MATN2: variants seen among roughly 807,000 people sequenced by gnomAD.
MATN2 encodes matrilin 2.
MATN2 carries 69 observed loss-of-function variants against 103.2 expected under a neutral mutation model. The ratio of observed to expected loss-of-function variants is 0.67; its 90% CI spans 0.55 to 0.82. The LOEUF is 0.82. Ranked by LOEUF, MATN2 falls within the 40% of genes least tolerant of loss-of-function variation. The pLI is 0.00. For missense variants in MATN2, 1,023 were observed against 1,211.5 expected (o/e 0.84, Z 2.31); for synonymous variants, 429 against 450.2 (o/e 0.95, Z 0.60).
At chr8:97,955,167 C>T (rs1811103306) in intron 4 of MATN2, among the ~76,000 whole-genome samples, 1 of 148,346 alleles carries the variant, frequency 6.7e-6, no homozygotes, top group Admixed American at 6.6e-5. Context: ...GTCTTGTAGC[C>T]CCCTTGACCA....
intron 7 of MATN2, 116 bp downstream of exon 7, chr8:97,994,718 A>G (rs1393138101): frequency 8.9e-7 from 1 of 1,125,212 alleles, no homozygotes. Context: ...TGTGTCTATT[A>G]ACATTATTCT....
chr8:98,014,391 C>A (rs1256659016), intron 10 of MATN2, among the ~76,000 whole-genome samples: 1 of 152,174 alleles, frequency 6.6e-6, no homozygotes, highest in African/African-American at 2.4e-5. Flanking sequence ...GAGGAACTAT[C>A]CCAAACCATC....
chr8:97,926,510 G>A (rs983472568), intron 2 of MATN2, among the ~76,000 whole-genome samples: 11 of 152,204 alleles, frequency 7.2e-5, no homozygotes, highest in African/African-American at 2.4e-4. Flanking sequence ...GATGGAAAGG[G>A]CATCAGGTCT....
intron 7 of MATN2, among the ~76,000 whole-genome samples, chr8:97,995,982 ACTC>A (rs1812571257): frequency 6.6e-6 from 1 of 152,128 alleles, no homozygotes; most frequent in Non-Finnish European, 1.5e-5. Context: ...TGGTCTGGCC[ACTC>A]CTCTGTGCTA....
At chr8:98,031,443 G>A (rs1330402613) in intron 15 of MATN2, 2 of 152,108 alleles carry the variant, frequency 1.3e-5, no homozygotes, top group African/African-American at 2.4e-5. Flanking sequence ...TATAATAAGT[G>A]TTTTGACACA....
chr8:97,999,911 C>T (rs1202861484), intron 7 of MATN2, among the ~76,000 whole-genome samples: 1 of 149,404 alleles, frequency 6.7e-6, no homozygotes, highest in South Asian at 2.1e-4. Flanking sequence ...GACGGAATCT[C>T]ACTCTGTCAC....
At chr8:98,032,350 T>A in intron 16 of MATN2, 33 bp downstream of exon 16, 2 of 1,542,356 alleles carry the variant, frequency 1.3e-6, no homozygotes, top group Non-Finnish European at 1.8e-6. Flanking sequence ...TTTAGAAATT[T>A]TGGTGGAGGG....
At chr8:97,889,275 G>C (rs1818545053) in intron 2 of MATN2, among the ~76,000 whole-genome samples, 1 of 151,888 alleles carries the variant, frequency 6.6e-6, no homozygotes, top group Non-Finnish European at 1.5e-5. Flanking sequence ...CTTTATTGAT[G>C]TTAACTAAGT....
At chr8:97,873,356 T>C (rs1178292734) in intron 1 of MATN2, among the ~76,000 whole-genome samples, 5 of 151,842 alleles carry the variant, frequency 3.3e-5, no homozygotes, top group East Asian at 1.9e-4. Context: ...TTTTTTCTTT[T>C]TTTTTTTTTT....
Position 98,003,723 on chromosome 8 carries a change from A to G in MATN2, c.1267A>G (p.Ser423Gly). ...CEHECVNMEE[S>G]YYCRCHRGYT... is the part of the protein sequence containing the mutation. ...GCATGAGTGCGTCAACATGGAGGAG[A>G]GCTACTACTGCCGCTGCCACCGTGG... is the stretch of plus-strand genomic sequence containing the variant. Residue 423 changes from serine to glycine, a missense_variant, in exon 8 of 19, where the codon AGC becomes GGC. By Grantham distance (56) the Ser-to-Gly change is moderately conservative. Transcript: ENST00000254898. The G allele has an allele frequency of 1.2e-6, 2 of 1,613,240 alleles. No homozygotes were observed. The highest frequency in any genetic ancestry group is 1.7e-6 in the Non-Finnish European group (2 of 1,179,628).
At chr8:98,014,493 G>A (rs996674954) in intron 10 of MATN2, among the ~76,000 whole-genome samples, 1 of 152,212 alleles carries the variant, frequency 6.6e-6, no homozygotes, top group East Asian at 1.9e-4. Context: ...TCGGCTTTGA[G>A]CCTCCTCTGC....
chr8:98,033,193 T>C lies in MATN2; in HGVS notation c.2716+17T>C. Reference sequence around the variant, plus strand: ...AACCTTCAGGTAATTCCAAGTAAAATATTACTATAAGATAACTTGATCTCA... The same window carrying C: ...AACCTTCAGGTAATTCCAAGTAAAACATTACTATAAGATAACTTGATCTCA... On this transcript the variant is annotated intron_variant, in intron 17 of 18. Transcript: ENST00000254898. 1.3e-6 allele frequency: 2 copies of C among 1,586,068 alleles called. No individual in the cohort carries two copies. Among genetic ancestry groups the C allele is most frequent in the East Asian group, 4.5e-5 (2 of 44,390 alleles).
intron 10 of MATN2, among the ~76,000 whole-genome samples, chr8:98,013,635 G>T (rs2130407265): frequency 6.6e-6 from 1 of 152,308 alleles, no homozygotes; most frequent in Admixed American, 6.5e-5. Flanking sequence ...ATCAGAAACA[G>T]AAACAGAGAC....
chr8:97,972,214 T>C (rs1359680924), intron 5 of MATN2, among the ~76,000 whole-genome samples: 1 of 151,772 alleles, frequency 6.6e-6, no homozygotes, highest in African/African-American at 2.4e-5. Context: ...GGCACGTGCA[T>C]GTAGTCCCAG....
intron 6 of MATN2, among the ~76,000 whole-genome samples, chr8:97,988,984 C>T (rs1384161608): frequency 6.6e-6 from 1 of 152,166 alleles, no homozygotes; most frequent in Non-Finnish European, 1.5e-5. Flanking sequence ...TTAAAAAGTA[C>T]AATACATCAC....
At chr8:98,028,264 A>G (rs1869611) in intron 14 of MATN2, among the ~76,000 whole-genome samples, 2,216 of 152,318 alleles carry the variant, frequency 0.015, 32 homozygotes, top group Non-Finnish European at 0.022. Context: ...ACTTCAAGCG[A>G]GCATTCTGAA....
rs1262332382 is a variant in MATN2 at position 97,943,267 on chromosome 8, C to T, written c.835+1368C>T. Among the ~76,000 whole-genome samples the T allele has an allele frequency of 2.6e-5, 4 of 151,864 alleles. No individual in the cohort carries two copies. The East Asian group carries it at 7.7e-4, about 29-fold the overall frequency. ...CTCCACCTCTTCAGGTGTTCTACCTCCCCACAACCATCCTCTGGAGGCACC... is the reference window on the plus strand; with the variant it reads ...CTCCACCTCTTCAGGTGTTCTACCTTCCCACAACCATCCTCTGGAGGCACC... On this transcript the variant is annotated intron_variant, in intron 4 of 18. Coordinates refer to ENST00000254898, the MANE Select transcript of MATN2 (RefSeq NM_002380.5).
At position 97,930,950 on chromosome 8, in the gene MATN2, C is replaced by T. The variant is rs1305883346; in HGVS notation, c.143-3C>T. 7 of 1,598,860 alleles carry T rather than the reference C, an allele frequency of 4.4e-6. No individual in the cohort carries two copies. The highest frequency in any genetic ancestry group is 6.0e-6 in the Non-Finnish European group (7 of 1,171,158). Reference sequence around the variant, plus strand: ...ATGTATTTGACCTCTCCTCTTTCCCCAGAGAGTTCCTGTGAGAACAAGCGG... The same window carrying T: ...ATGTATTTGACCTCTCCTCTTTCCCTAGAGAGTTCCTGTGAGAACAAGCGG... On this transcript the variant is annotated splice_polypyrimidine_tract_variant and splice_region_variant and intron_variant, in intron 2 of 18. Coordinates refer to ENST00000254898, the MANE Select transcript of MATN2 (RefSeq NM_002380.5).
rs535661559 is a variant in MATN2 at position 97,877,950 on chromosome 8, A to G, written c.-27+8663A>G. ...GCATGCATAGCTTCCATTTCCATGC[A>G]GTCTCACCCAGGATTTCGGGATGAC... On this transcript the variant is annotated intron_variant, in intron 1 of 18. Coordinates refer to ENST00000254898, the MANE Select transcript of MATN2 (RefSeq NM_002380.5). Among the ~76,000 whole-genome samples, 13 of 152,272 alleles carry G rather than the reference A, an allele frequency of 8.5e-5. No individual in the cohort carries two copies. The East Asian group carries it at 2.3e-3, about 27-fold the overall frequency.
Sources: allele counts gnomAD v4.1 joint callset (sites outside exome capture counted in the v4.1 genomes callset), GRCh38; gene constraint gnomAD v4.1.1; transcripts MANE v1.5; gene names NCBI Gene and HGNC (gene_info 2026-07-23, HGNC 2026-07-21).